MGAT1: variants seen among roughly 807,000 people sequenced by gnomAD.
MGAT1 encodes the protein alpha-1,3-mannosyl-glycoprotein 2-beta-N-acetylglucosaminyltransferase.
A neutral mutation model predicts 31.7 loss-of-function variants in MGAT1; 14 were observed. The observed-to-expected ratio is 0.44, with a 90% CI of 0.29 to 0.69. MGAT1 has a LOEUF of 0.69. Among genes scored for constraint, MGAT1 ranks in the 30% least tolerant of loss-of-function variants. The probability of loss-of-function intolerance (pLI) is 0.12; values close to 1 mark genes in which losing one functional copy is unlikely to be tolerated. For missense variants in MGAT1, 557 were observed against 626.0 expected (o/e 0.89, Z 1.18); for synonymous variants, 338 against 276.0 (o/e 1.22, Z -2.23).
upstream of MGAT1, among the ~76,000 whole-genome samples, chr5:180,805,325 TGAAAAG>T (rs1292716464): frequency 6.6e-6 from 1 of 152,102 alleles, no homozygotes; most frequent in Non-Finnish European, 1.5e-5. Context: ...ACTGAAAAGA[TGAAAAG>T]GAAGTGAAAA....
At chr5:180,798,238 T>A (rs1769926802) in intron 1 of MGAT1, among the ~76,000 whole-genome samples, 1 of 152,158 alleles carries the variant, frequency 6.6e-6, no homozygotes, top group Admixed American at 6.5e-5. Context: ...GTTATTTCAC[T>A]CCTTTCTCCC....
At chr5:180,801,242 C>T (rs1291396265) in intron 1 of MGAT1, among the ~76,000 whole-genome samples, 1 of 152,196 alleles carries the variant, frequency 6.6e-6, no homozygotes, top group Non-Finnish European at 1.5e-5. Context: ...ACCAGATAGT[C>T]AACTTCCAAT....
chr5:180,808,524 G>A, intron 2 of MGAT1: 1 of 152,232 alleles, frequency 6.6e-6, no homozygotes, highest in Non-Finnish European at 1.5e-5. Context: ...ATGGAGAGGT[G>A]TAGCTTCCAG....
chr5:180,806,213 G>A (rs1350154818), upstream of MGAT1, among the ~76,000 whole-genome samples: 2 of 152,106 alleles, frequency 1.3e-5, no homozygotes, highest in Admixed American at 6.5e-5. Flanking sequence ...TTGAACCCAG[G>A]AGGTGGAGGT....
chr5:180,790,622 GAA>G lies in MGAT1; in HGVS notation c.*1010_*1011del, dbSNP rs769529660. 6.6e-6 allele frequency: 1 copy of G among 152,268 alleles called. No individual in the cohort carries two copies. The highest frequency in any genetic ancestry group is 1.5e-5 in the Non-Finnish European group (1 of 68,108). The allele number at this position is 152,268 out of a possible 1,614,324, so 9.4% of individuals were successfully genotyped here. A position where few individuals can be genotyped will look rare whatever the true frequency, so the allele number is the denominator to read the frequency against. On this transcript the variant is annotated 3_prime_UTR_variant, in exon 2 of 2. Coordinates refer to ENST00000307826, the MANE Select transcript of MGAT1 (RefSeq NM_002406.4). The stretch of plus-strand genomic sequence containing the variant: ...CTTTCATGAAACTGAGGTCAGGCAA[GAA>G]ACAAAAATCCACCAAGTCCTCTCCA...
intron 2 of MGAT1, chr5:180,808,427 A>T (rs1218341965): frequency 2.0e-5 from 3 of 152,228 alleles, no homozygotes; most frequent in African/African-American, 7.2e-5. Context: ...CTAACCTCAC[A>T]ACTGCCATTG....
chr5:180,815,147 C>T lies in MGAT1; in HGVS notation c.-546+267G>A, dbSNP rs79529592. Among the ~76,000 whole-genome samples the T allele has an allele frequency of 5.6e-3, 857 of 152,018 alleles. 8 individuals are homozygous for T. The highest frequency in any genetic ancestry group is 0.035 in the East Asian group (182 of 5,174). On this transcript the variant is annotated intron_variant, in intron 1 of 2. Transcript: ENST00000333055. Reference sequence around the variant, plus strand: ...TGACATGGCAGGGGGACTGAGCGTGCTAAGGTGCTAGCGCAGGTCTCTCTT... The same window carrying T: ...TGACATGGCAGGGGGACTGAGCGTGTTAAGGTGCTAGCGCAGGTCTCTCTT...
chr5:180,808,756 C>T (rs1245405702), exon 2 of MGAT1: 1 of 152,338 alleles, frequency 6.6e-6, no homozygotes, highest in Non-Finnish European at 1.5e-5. Flanking sequence ...TGCAGCTTCT[C>T]TCTTCTTATC....
At position 180,793,054 on chromosome 5, in the gene MGAT1, G is replaced by A; in HGVS notation, c.-83C>T. 6.6e-7 allele frequency: 1 copy of A among 1,522,118 alleles called. No homozygotes were observed. Among genetic ancestry groups the A allele is most frequent in the South Asian group, 1.2e-5 (1 of 81,732 alleles). The allele number at this position is 1,522,118 out of a possible 1,614,324, so 94.3% of individuals were successfully genotyped here. Reference sequence around the variant, plus strand: ...CCCGGCTCCCTTGCCCGCAGTCCTAGGGATGCCTCCTCTGGACTATGGGAT... The same window carrying A: ...CCCGGCTCCCTTGCCCGCAGTCCTAAGGATGCCTCCTCTGGACTATGGGAT... On this transcript the variant is annotated 5_prime_UTR_variant, in exon 2 of 2. Coordinates refer to ENST00000307826, the MANE Select transcript of MGAT1 (RefSeq NM_002406.4).
intron 1 of MGAT1, chr5:180,810,076 G>T (rs1159584242): frequency 1.5e-5 from 2 of 137,534 alleles, no homozygotes; most frequent in African/African-American, 5.5e-5. Context: ...TAGGAGCCGC[G>T]GCCCGCCGCG....
chr5:180,790,656 C>G lies in MGAT1; in HGVS notation c.*978G>C, dbSNP rs1390798225. 6.6e-6 allele frequency: 1 copy of G among 152,332 alleles called. No homozygotes were observed. Among genetic ancestry groups the G allele is most frequent in the Non-Finnish European group, 1.5e-5 (1 of 68,150 alleles). 9.4% of individuals were successfully genotyped at this position (152,332 alleles called of 1,614,324 possible). A position where few individuals can be genotyped will look rare whatever the true frequency, so the allele number is the denominator to read the frequency against. ...ATCCACCAAGTCCTCTCCATCCTGC[C>G]ATGGCGTCCTGGCCTGTGAGGACAT... On this transcript the variant is annotated 3_prime_UTR_variant, in exon 2 of 2. Coordinates refer to ENST00000307826, the MANE Select transcript of MGAT1 (RefSeq NM_002406.4).
At chr5:180,799,127 T>C (rs1770137524) in intron 1 of MGAT1, among the ~76,000 whole-genome samples, 1 of 152,154 alleles carries the variant, frequency 6.6e-6, no homozygotes, top group Admixed American at 6.5e-5. Flanking sequence ...GGTCACGACA[T>C]TAACTTGCTT....
intron 1 of MGAT1, among the ~76,000 whole-genome samples, chr5:180,800,861 C>T (rs1770614001): frequency 6.6e-6 from 1 of 152,232 alleles, no homozygotes; most frequent in Admixed American, 6.5e-5. Flanking sequence ...GCCCTTAATC[C>T]TGACCTGAGT....
At chr5:180,813,906 C>T (rs1340699391) in intron 1 of MGAT1, among the ~76,000 whole-genome samples, 1 of 152,174 alleles carries the variant, frequency 6.6e-6, no homozygotes, top group Non-Finnish European at 1.5e-5. Flanking sequence ...GAGGGGCTAC[C>T]TACAGTCCCC....
Position 180,792,423 on chromosome 5 carries a change from G to A in MGAT1, c.549C>T (p.Tyr183=). 1.2e-6 allele frequency: 2 copies of A among 1,611,700 alleles called. No homozygotes were observed. The highest frequency in any genetic ancestry group is 3.3e-5 in the Admixed American group (2 of 59,954). The change falls in exon 2 of 2, where the codon TAC becomes TAT. Residue 183 remains tyrosine (Y), a synonymous_variant. Coordinates refer to ENST00000307826, the MANE Select transcript of MGAT1 (RefSeq NM_002406.4). The stretch of plus-strand genomic sequence containing the variant: ...CCCAGCGGTAGTGGCGCGCGATCTT[G>A]TAGTAGCCCTGGAACTTGCGGTGGT... The part of the protein sequence containing the change: ...PPDHRKFQGY[Y]KIARHYRWAL...
chr5:180,786,356 A>G lies in MGAT1; in HGVS notation c.*5278T>C, dbSNP rs1280040862. The G allele has an allele frequency of 6.6e-6, 1 of 151,872 alleles. No homozygotes were observed. Among genetic ancestry groups the G allele is most frequent in the Non-Finnish European group, 1.5e-5 (1 of 68,042 alleles). The allele number at this position is 151,872 out of a possible 1,614,324, so 9.4% of individuals were successfully genotyped here. The stretch of plus-strand genomic sequence containing the variant: ...CAGGGTTCCTAATGCACTCCCCCCA[A>G]AGCTCCCCATCACCCTGCCCTCTCC... On this transcript the variant is annotated 3_prime_UTR_variant, in exon 2 of 2. Transcript: ENST00000307826.
At position 180,791,363 on chromosome 5, in the gene MGAT1, G is replaced by A; in HGVS notation, c.*271C>T. On this transcript the variant is annotated 3_prime_UTR_variant, in exon 2 of 2. Coordinates refer to ENST00000307826, the MANE Select transcript of MGAT1 (RefSeq NM_002406.4). ...GAAAGCTCAGGACGTGGACATTTCT[G>A]GCCCCAACAAGCCCAGTGCCCCCCA... 1 of 534,742 alleles carries A rather than the reference G, an allele frequency of 1.9e-6. No individual in the cohort carries two copies. Among genetic ancestry groups the A allele is most frequent in the Non-Finnish European group, 3.3e-6 (1 of 300,928 alleles). 33.1% of individuals were successfully genotyped at this position (534,742 alleles called of 1,614,324 possible). A position where few individuals can be genotyped will look rare whatever the true frequency, so the allele number is the denominator to read the frequency against.
intron 1 of MGAT1, among the ~76,000 whole-genome samples, chr5:180,796,654 C>T (rs987347760): frequency 6.6e-6 from 1 of 152,088 alleles, no homozygotes; most frequent in African/African-American, 2.4e-5. Context: ...GTCTGTTGCC[C>T]AGGCTGGAGT....
chr5:180,804,500 A>C (rs1267572501), upstream of MGAT1, among the ~76,000 whole-genome samples: 1 of 152,180 alleles, frequency 6.6e-6, no homozygotes, highest in Non-Finnish European at 1.5e-5. Context: ...CGTGGCTTCC[A>C]CTTTAGCTGA....
Sources: allele counts gnomAD v4.1 joint callset (sites outside exome capture counted in the v4.1 genomes callset), GRCh38; gene constraint gnomAD v4.1.1; transcripts MANE v1.5; gene names NCBI Gene and HGNC (gene_info 2026-07-23, HGNC 2026-07-21).